Variants in NOTUM observed in about 807,000 individuals in gnomAD.
The protein encoded by NOTUM is palmitoleoyl-protein carboxylesterase NOTUM.
In NOTUM, 36 loss-of-function variants were observed where a neutral mutation model predicts 65.5. The ratio of observed to expected loss-of-function variants is 0.55; its 90% CI spans 0.42 to 0.73. The LOEUF (loss-of-function observed/expected upper bound fraction) is 0.73, where lower values mean the gene tolerates loss of function less well. Among genes scored for constraint, NOTUM ranks in the 30% least tolerant of loss-of-function variants. The pLI, the probability that NOTUM is intolerant of heterozygous loss-of-function variation, is 0.00. For missense variants in NOTUM, 659 were observed against 694.2 expected, an observed-to-expected ratio of 0.95 and a Z score of 0.57; for synonymous variants, 356 against 297.9, an observed-to-expected ratio of 1.20 and a Z score of -2.01.
In NOTUM at chr17:81,954,931, ATCTCTCTC is replaced by A. The variant is rs35033192; in HGVS notation, c.1136+458_1136+465del. 9.1e-3 allele frequency among the ~76,000 whole-genome samples: 1,005 copies of A among 110,104 alleles called. 11 individuals carry two copies. The highest frequency in any genetic ancestry group is 0.026 in the African/African-American group (923 of 35,056). The allele number at this position is 110,104 out of a possible 152,430, so 72.2% of individuals were successfully genotyped here. A position where few individuals can be genotyped will look rare whatever the true frequency, so the allele number is the denominator to read the frequency against. On this transcript the variant is annotated intron_variant, in intron 9 of 10. Coordinates refer to ENST00000409678, the MANE Select transcript of NOTUM (RefSeq NM_178493.6). Reference sequence around the variant, plus strand: ...TGTGCCAGGCCCAAGACCGATCTCGATCTCTCTCTCTCTCTCTCTCTCTCTCTCCTCTC... The same window carrying A: ...TGTGCCAGGCCCAAGACCGATCTCGATCTCTCTCTCTCTCTCTCTCCTCTC...
chr17:81,955,319 T>C, intron 9 of NOTUM, 78 bp downstream of exon 9: 4 of 1,308,326 alleles, frequency 3.1e-6, no homozygotes, highest in Non-Finnish European at 4.2e-6. Context: ...GTTTTTCTTC[T>C]TTTGTTTTCT....
rs375431644 is a variant in NOTUM, at chr17:81,954,273, A to G, written c.1167T>C (p.His389=). ...PASFAPACLS[H]EIIIRSHWTD... ...ACACTGACCTCCGGATGATGATCTC[A>G]TGGGAGAGGCAGGCGGGGGCAAAGC... is the stretch of plus-strand genomic sequence containing the variant. Residue 389 remains histidine, a synonymous_variant, in exon 10 of 11, where the codon CAT becomes CAC. Coordinates refer to ENST00000409678, the MANE Select transcript of NOTUM (RefSeq NM_178493.6). The G allele has an allele frequency of 3.9e-5, 62 of 1,603,328 alleles. No homozygotes were observed. Among genetic ancestry groups the G allele is most frequent in the Non-Finnish European group, 5.0e-5 (59 of 1,170,678 alleles).
chr17:81,959,803 G>A (rs1399585430), intron 1 of NOTUM, 111 bp from the exon 2 acceptor site: 7 of 506,042 alleles, frequency 1.4e-5, no homozygotes, highest in South Asian at 1.9e-4. Context: ...CGCGCGCGAC[G>A]GTCGCACGGG....
In NOTUM at chr17:81,957,816, CCAG is replaced by C; in HGVS notation, c.682_684del (p.Leu228del). The C allele has an allele frequency of 1.2e-6, 2 of 1,603,728 alleles. No homozygotes were observed. Among genetic ancestry groups the C allele is most frequent in the Non-Finnish European group, 1.7e-6 (2 of 1,175,586 alleles). On this transcript the variant is annotated inframe_deletion, in exon 6 of 11. Coordinates refer to ENST00000409678, the MANE Select transcript of NOTUM (RefSeq NM_178493.6). ...CCCCGCCCTGCCCACCTGCTCCCGG[CCAG>C]CAGCAGCACCTTGGCCCCGCTCAGC...
At chr17:81,954,920 G>GACCGAT (rs1380682318) in intron 9 of NOTUM, among the ~76,000 whole-genome samples, 1 of 127,326 alleles carries the variant, frequency 7.9e-6, no homozygotes, top group Admixed American at 7.5e-5. Context: ...CCAGGCCCAA[G>GACCGAT]ACCGATCTCG....
In NOTUM at chr17:81,960,762, C is replaced by G; in HGVS notation, c.148G>C (p.Glu50Gln). 6.3e-7 allele frequency: 1 copy of G among 1,587,274 alleles called. No homozygotes were observed. Among genetic ancestry groups the G allele is most frequent in the South Asian group, 1.1e-5 (1 of 87,890 alleles). Residue 50 changes from glutamate (E) to glutamine (Q), a missense_variant, in exon 1 of 11, where the codon GAG (glutamate) becomes CAG (glutamine). By Grantham distance (29) the Glu-to-Gln change is conservative. Coordinates refer to ENST00000409678, the MANE Select transcript of NOTUM (RefSeq NM_178493.6). The surrounding 1 kb of genome is among the most constrained non-coding windows in gnomAD (Gnocchi z 6.4). ...GCCGTGAAGTCCAGCGGGAAGCTCT[C>G]CACGGGCTGTCCGGCCGCCGGCGCC... ...EAAPAAGQPV[E>Q]SFPLDFTAVE...
rs887896660 is a variant in NOTUM, at chr17:81,959,679, C to T, written c.337G>A (p.Glu113Lys). 4.0e-5 allele frequency: 61 copies of T among 1,531,650 alleles called. No individual in the cohort carries two copies. The highest frequency in any genetic ancestry group is 4.6e-5 in the Non-Finnish European group (53 of 1,140,304). 94.9% of individuals were successfully genotyped at this position (1,531,650 alleles called of 1,614,324 possible). ...AGCCACCGCCGGCTGCCCCTGGACT[C>T]CTTCAGGTAGTAGCTGCGGGGGAGG... ...DGSPAGYYLK[E>K]SRGSRRWLLF... The change falls in exon 2 of 11, where the codon GAG becomes AAG. Residue 113 changes from glutamate (E) to lysine (K), a missense_variant. By Grantham distance (56) the Glu-to-Lys change is moderately conservative. Transcript: ENST00000409678.
intron 3 of NOTUM, chr17:81,959,213 A>C: frequency 1.6e-6 from 1 of 613,410 alleles, no homozygotes; most frequent in Non-Finnish European, 2.9e-6. Context: ...TAGGCTGGAC[A>C]CCAGGTCTGA....
In NOTUM at chr17:81,953,207, G is replaced by A. The variant is rs2041401066; in HGVS notation, c.1245C>T (p.Asp415=). The A allele has an allele frequency of 1.2e-6, 2 of 1,612,788 alleles. No individual in the cohort carries two copies. Among genetic ancestry groups the A allele is most frequent in the Non-Finnish European group, 1.7e-6 (2 of 1,179,706 alleles). The stretch of plus-strand genomic sequence containing the variant: ...CCTTGTGGCTGTCATGGAGGCTCCT[G>A]TCCCAGCAGTGCAGTGCTCGGGGCA... ...TSLPRALHCW[D]RSLHDSHKAS... Residue 415 remains aspartate (D), a synonymous_variant, in exon 11 of 11, where the codon GAC becomes GAT. Transcript: ENST00000409678.
rs1385607149 is a variant in NOTUM, at chr17:81,959,507, G to C, written c.436C>G (p.Leu146Val). The C allele has an allele frequency of 7.7e-6, 12 of 1,548,458 alleles. No individual in the cohort carries two copies. The highest frequency in any genetic ancestry group is 1.0e-5 in the Non-Finnish European group (12 of 1,146,446). Residue 146 changes from leucine to valine, a missense_variant, in exon 3 of 11, where the codon CTC becomes GTC. Physicochemically the swap from Leu to Val is conservative, Grantham distance 32 (BLOSUM62 1). Transcript: ENST00000409678. The part of the protein sequence containing the change: ...CDSRYDTMRR[L>V]MSSRDWPRTR... ...CGCGGCCAGTCCCGGGAGCTCATGA[G>C]GCGCCGCATGGTGTCGTATCTGGAG...
chr17:81,958,566 A>G (rs1457818129), intron 4 of NOTUM, among the ~76,000 whole-genome samples, 173 bp from the exon 5 acceptor site: 1 of 151,190 alleles, frequency 6.6e-6, no homozygotes, highest in Non-Finnish European at 1.5e-5. Flanking sequence ...AATACTCCTC[A>G]GGAAGAACCA....
rs1328150653 is a variant in NOTUM, at chr17:81,960,574, G to A, written c.323+13C>T. ...GTCGGGCGGGGCGGGGAGGTGCAGG[G>A]CGCGGGCCTTACCCGGCGGGGCTGC... On this transcript the variant is annotated intron_variant, in intron 1 of 10. Transcript: ENST00000409678. This position sits in a 1 kb window ranked among gnomAD's most constrained non-coding sequence, Gnocchi z 6.4. 6.8e-7 allele frequency: 1 copy of A among 1,475,922 alleles called. No individual in the cohort carries two copies. The highest frequency in any genetic ancestry group is 9.1e-7 in the Non-Finnish European group (1 of 1,099,208). The allele number at this position is 1,475,922 out of a possible 1,614,324, so 91.4% of individuals were successfully genotyped here. A position where few individuals can be genotyped will look rare whatever the true frequency, so the allele number is the denominator to read the frequency against.
rs2041453583 is a variant in NOTUM, at chr17:81,958,922, T to C, written c.533+13A>G. 6.2e-7 allele frequency: 1 copy of C among 1,607,856 alleles called. No individual in the cohort carries two copies. Among genetic ancestry groups the C allele is most frequent in the South Asian group, 1.1e-5 (1 of 90,982 alleles). ...CAGGCAGGACTCCCAGGCAAGACCC[T>C]GTGCCCCCTTACACCATGTTTGCGT... On this transcript the variant is annotated intron_variant, in intron 4 of 10. Coordinates refer to ENST00000409678, the MANE Select transcript of NOTUM (RefSeq NM_178493.6).
Position 81,959,598 on chromosome 17 carries a change from G to A in NOTUM, c.377-32C>T, listed in dbSNP as rs757897067. 2.1e-5 allele frequency: 32 copies of A among 1,545,912 alleles called. 1 individual carries two copies. The South Asian group carries it at 3.7e-4, about 18-fold the overall frequency. On this transcript the variant is annotated intron_variant, in intron 2 of 10. Coordinates refer to ENST00000409678, the MANE Select transcript of NOTUM (RefSeq NM_178493.6). ...ACACGACCGCCGCTCAGGCCCGCGC[G>A]CACAGACCCCCGGCCTCCCCCCGCC...
intron 5 of NOTUM, 131 bp downstream of exon 5, chr17:81,958,204 G>A: frequency 2.9e-6 from 2 of 694,464 alleles, no homozygotes; most frequent in Non-Finnish European, 2.6e-6. Context: ...AGCACGACAA[G>A]GCTGAGAGTC....
intron 9 of NOTUM, among the ~76,000 whole-genome samples, chr17:81,954,700 C>T (rs2041415124): frequency 6.6e-6 from 1 of 152,244 alleles, no homozygotes; most frequent in African/African-American, 2.4e-5. Flanking sequence ...TCACTGTAAC[C>T]TTGAACTCCT....
At position 81,956,935 on chromosome 17, in the gene NOTUM, A is replaced by T; in HGVS notation, c.835T>A (p.Cys279Ser). Residue 279 changes from cysteine (C) to serine (S), a missense_variant, in exon 7 of 11, where the codon TGC becomes AGC. Physicochemically the swap from Cys to Ser is moderately radical, Grantham distance 112. Transcript: ENST00000409678. ...GGCGCGCACGTGATCGTGTCGACGC[A>T]GTCTGTGTGGCGATACTGCTTGTTG... ...LDNKQYRHTD[C>S]VDTITCAPTE... 1 of 1,613,118 alleles carries T rather than the reference A, an allele frequency of 6.2e-7. No homozygotes were observed.
intron 2 of NOTUM, 35 bp from the exon 3 acceptor site, chr17:81,959,601 C>T (rs1229414915): frequency 5.8e-6 from 9 of 1,546,670 alleles, no homozygotes; most frequent in African/African-American, 1.4e-5. Context: ...CCCGCGCGCA[C>T]AGACCCCCGG....
chr17:81,958,604 G>A (rs534643534), intron 4 of NOTUM, among the ~76,000 whole-genome samples: 2 of 149,626 alleles, frequency 1.3e-5, no homozygotes, highest in African/African-American at 5.0e-5. Context: ...TTCCAGGAAA[G>A]ACCAACTCAG....
Sources: gnomAD v4.1 joint callset for allele counts (sites outside exome capture counted in the v4.1 genomes callset) on GRCh38, gnomAD v4.1.1 for gene constraint, Gnocchi (gnomAD v3.1) non-coding constraint, MANE v1.5 for transcripts, NCBI Gene and HGNC (gene_info 2026-07-23, HGNC 2026-07-21) for gene names.